The following FXR1 variants were observed in gnomAD, a reference collection of about 807,000 sequenced individuals.
FXR1 encodes RNA-binding protein FXR1.
Under a neutral mutation model 84.0 loss-of-function variants are expected in FXR1, and 15 were observed. The observed-to-expected ratio is 0.18, with a 90% confidence interval of 0.12 to 0.27. The LOEUF (loss-of-function observed/expected upper bound fraction) is 0.27, where lower values mean the gene tolerates loss of function less well. Among genes scored for constraint, FXR1 ranks in the 10% least tolerant of loss-of-function variants. The pLI is 1.00. For synonymous variants in FXR1, 245 were observed against 250.7 expected, an observed-to-expected ratio of 0.98 and a Z score of 0.21; for missense variants, 480 against 774.4, an observed-to-expected ratio of 0.62 and a Z score of 4.51.
rs766920691 is a variant in FXR1, at chr3:180,979,261, G to A, written c.*2969G>A. 6.6e-5 allele frequency: 10 copies of A among 152,092 alleles called. No homozygotes were observed. The highest frequency in any genetic ancestry group is 1.3e-4 in the Non-Finnish European group (9 of 67,984). 9.4% of individuals were successfully genotyped at this position (152,092 alleles called of 1,614,324 possible). A position where few individuals can be genotyped will look rare whatever the true frequency, so the allele number is the denominator to read the frequency against. On this transcript the variant is annotated 3_prime_UTR_variant, in exon 17 of 17. Transcript: ENST00000357559. ...GCTTTTGAGGCTCAAACCAACTAGT[G>A]TTCTCATGGGCTGTTGCCTAAGGAC...
intron 1 of FXR1, among the ~76,000 whole-genome samples, chr3:180,926,478 G>GTATATATATA (rs34325096): frequency 8.2e-4 from 62 of 75,372 alleles, no homozygotes; most frequent in Non-Finnish European, 1.2e-3. Context: ...GGATTGTACT[G>GTATATATATA]TATATATATA....
intron 3 of FXR1, among the ~76,000 whole-genome samples, chr3:180,944,710 T>C (rs1271579199): frequency 1.3e-5 from 2 of 152,184 alleles, no homozygotes; most frequent in African/African-American, 4.8e-5. Flanking sequence ...CTTGACTTCC[T>C]GGGCTCAAGA....
At chr3:180,942,775 A>G (rs895712515) in intron 3 of FXR1, among the ~76,000 whole-genome samples, 4 of 152,174 alleles carry the variant, frequency 2.6e-5, no homozygotes, top group African/African-American at 9.7e-5. Context: ...AATCTGAGGA[A>G]AAGGAATTTC....
chr3:180,957,615 A>T, intron 9 of FXR1: 1 of 463,162 alleles, frequency 2.2e-6, no homozygotes, highest in Non-Finnish European at 3.9e-6. Context: ...TAGTAACCTT[A>T]GGCGTGCTGA....
At chr3:180,917,460 T>A (rs888893384) in intron 1 of FXR1, among the ~76,000 whole-genome samples, 3 of 152,192 alleles carry the variant, frequency 2.0e-5, no homozygotes, top group Non-Finnish European at 1.5e-5. Flanking sequence ...TAGTTCCAGA[T>A]AATTTAAAAT....
chr3:180,976,232 G>T lies in FXR1; in HGVS notation c.1806G>T (p.Lys602Asn). 1 of 1,612,568 alleles carries T rather than the reference G, an allele frequency of 6.2e-7. No homozygotes were observed. Among genetic ancestry groups the T allele is most frequent in the South Asian group, 1.1e-5 (1 of 90,982 alleles). The change falls in exon 17 of 17, where the codon AAG (lysine) becomes AAT (asparagine). Residue 602 changes from lysine to asparagine, a missense_variant. Transcript: ENST00000357559. ...SKLQRTPGEE[K>N]INTLKEENTQ... ...TACAGCGTACTCCAGGAGAAGAAAA[G>T]ATTAATACCTTAAAAGAAGAAAACA...
intron 1 of FXR1, among the ~76,000 whole-genome samples, chr3:180,917,961 A>G (rs1242674772): frequency 6.6e-6 from 1 of 151,476 alleles, no homozygotes; most frequent in African/African-American, 2.4e-5. Context: ...AAAAAAAAAA[A>G]AAAAAAAAGT....
intron 14 of FXR1, 115 bp from the exon 15 acceptor site, chr3:180,970,043 A>G (rs192803737): frequency 1.1e-4 from 58 of 528,850 alleles, no homozygotes; most frequent in African/African-American, 1.0e-3. Context: ...AAGACAGTGC[A>G]TTTTTATTGG....
rs541653416 is a variant in FXR1 at position 180,977,647 on chromosome 3, A to G, written c.*1355A>G. On this transcript the variant is annotated 3_prime_UTR_variant, in exon 17 of 17. Transcript: ENST00000357559. ...GTTAGTACAGCTAATTGTGAGGTCA[A>G]GTAATTGTTAGACATAGGGGAAGGC... The G allele has an allele frequency of 6.6e-6, 1 of 152,274 alleles. No individual in the cohort carries two copies. Among genetic ancestry groups the G allele is most frequent in the African/African-American group, 2.4e-5 (1 of 41,584 alleles). 9.4% of individuals were successfully genotyped at this position (152,274 alleles called of 1,614,324 possible).
chr3:180,947,946 C>G lies in FXR1; in HGVS notation c.270+10C>G, dbSNP rs1246553144. The G allele has an allele frequency of 6.5e-7, 1 of 1,530,036 alleles. No individual in the cohort carries two copies. Among genetic ancestry groups the G allele is most frequent in the African/African-American group, 1.4e-5 (1 of 73,088 alleles). 94.8% of individuals were successfully genotyped at this position (1,530,036 alleles called of 1,614,324 possible). On this transcript the variant is annotated intron_variant, in intron 4 of 16. Transcript: ENST00000357559. ...GATGATGAAAGGAGAAGTAAGTACTCTTCACACTTGCTTTGTGACTAGTTT... is the reference window on the plus strand; with the variant it reads ...GATGATGAAAGGAGAAGTAAGTACTGTTCACACTTGCTTTGTGACTAGTTT...
chr3:180,934,681 T>G (rs1720324260), intron 2 of FXR1, among the ~76,000 whole-genome samples: 1 of 152,230 alleles, frequency 6.6e-6, no homozygotes, highest in Non-Finnish European at 1.5e-5. Flanking sequence ...ATTACACAGT[T>G]TATATTGTTT....
intron 9 of FXR1, 25 bp downstream of exon 9, chr3:180,953,865 A>T: frequency 8.9e-7 from 1 of 1,126,682 alleles, no homozygotes; most frequent in Non-Finnish European, 1.3e-6. Flanking sequence ...TAAATGTTAA[A>T]TAAGTTAATA....
At chr3:180,971,440 C>A (rs935323522) in intron 15 of FXR1, 1 of 154,796 alleles carries the variant, frequency 6.5e-6, no homozygotes, top group Non-Finnish European at 1.4e-5. Context: ...GCAGTTTCTT[C>A]ACACTTGAGA....
intron 3 of FXR1, among the ~76,000 whole-genome samples, chr3:180,940,689 G>T (rs928021185): frequency 6.6e-6 from 1 of 151,156 alleles, no homozygotes; most frequent in South Asian, 2.1e-4. Context: ...TGATTCTCCT[G>T]CCTCAGCCTC....
At chr3:180,926,587 A>G (rs1307682190) in intron 1 of FXR1, among the ~76,000 whole-genome samples, 1 of 150,906 alleles carries the variant, frequency 6.6e-6, no homozygotes, top group Non-Finnish European at 1.5e-5. Context: ...TCTAAGAAGA[A>G]TTTTGAAATA....
intron 3 of FXR1, among the ~76,000 whole-genome samples, chr3:180,946,711 C>T (rs1228471402): frequency 6.6e-6 from 1 of 152,124 alleles, no homozygotes; most frequent in Non-Finnish European, 1.5e-5. Context: ...CCTACCACTT[C>T]CAAGATTACT....
chr3:180,916,083 G>C (rs78073014), intron 1 of FXR1, among the ~76,000 whole-genome samples: 4 of 152,136 alleles, frequency 2.6e-5, no homozygotes, highest in Non-Finnish European at 4.4e-5. Context: ...TTGTACTTTT[G>C]TACTTCTCAT....
In FXR1 at chr3:180,982,286, C is replaced by G. The variant is rs981377216; in HGVS notation, c.*5994C>G. Reference sequence around the variant, plus strand: ...GATCCAAGTATTTTGTAAGAAAATACCAGCAAAAGATAAAAGTTTTTTTAT... The same window carrying G: ...GATCCAAGTATTTTGTAAGAAAATAGCAGCAAAAGATAAAAGTTTTTTTAT... On this transcript the variant is annotated 3_prime_UTR_variant, in exon 17 of 17. Coordinates refer to ENST00000357559, the MANE Select transcript of FXR1 (RefSeq NM_005087.4). 1 of 151,982 alleles carries G rather than the reference C, an allele frequency of 6.6e-6. No individual in the cohort carries two copies. Among genetic ancestry groups the G allele is most frequent in the South Asian group, 2.1e-4 (1 of 4,816 alleles). 9.4% of individuals were successfully genotyped at this position (151,982 alleles called of 1,614,324 possible). A position where few individuals can be genotyped will look rare whatever the true frequency, so the allele number is the denominator to read the frequency against.
chr3:180,919,584 A>T (rs1718326899), intron 1 of FXR1, among the ~76,000 whole-genome samples: 1 of 147,858 alleles, frequency 6.8e-6, no homozygotes, highest in Non-Finnish European at 1.5e-5. Flanking sequence ...GCGCCGGGCC[A>T]ATAATTTTTT....
Sources: allele counts gnomAD v4.1 joint callset (sites outside exome capture counted in the v4.1 genomes callset), GRCh38; gene constraint gnomAD v4.1.1; transcripts MANE v1.5; gene names NCBI Gene and HGNC (gene_info 2026-07-23, HGNC 2026-07-21).